The following DYRK1A variants were observed in gnomAD, a reference collection of about 807,000 sequenced individuals.
DYRK1A encodes the protein dual specificity tyrosine-phosphorylation-regulated kinase 1A.
Under a neutral mutation model 79.7 loss-of-function variants are expected in DYRK1A, and 9 were observed. The observed-to-expected ratio is 0.11, with a 90% CI of 0.07 to 0.20. DYRK1A has a LOEUF of 0.20. Among genes scored for constraint, DYRK1A ranks in the 10% least tolerant of loss-of-function variants. The pLI, the probability that DYRK1A is intolerant of heterozygous loss-of-function variation, is 1.00. For synonymous variants in DYRK1A, 349 were observed against 329.7 expected (o/e 1.06, Z -0.63); for missense variants, 622 against 956.0 (o/e 0.65, Z 4.61).
At chr21:37,511,365 A>G (rs2053744012) in intron 11 of DYRK1A, among the ~76,000 whole-genome samples, 1 of 152,212 alleles carries the variant, frequency 6.6e-6, no homozygotes, top group South Asian at 2.1e-4. Flanking sequence ...CAAGGAGTTC[A>G]TTTAAGGGGC....
At chr21:37,404,866 G>A (rs1450939250) in intron 1 of DYRK1A, among the ~76,000 whole-genome samples, 3 of 152,204 alleles carry the variant, frequency 2.0e-5, no homozygotes, top group Non-Finnish European at 4.4e-5. Flanking sequence ...TTGGAGGAAT[G>A]TAAGGATTAA....
chr21:37,438,683 A>G (rs983133743), intron 2 of DYRK1A, among the ~76,000 whole-genome samples: 8 of 152,144 alleles, frequency 5.3e-5, no homozygotes, highest in Non-Finnish European at 1.0e-4. Context: ...CCATTAATCT[A>G]TTTGTCCTGA....
At chr21:37,471,243 G>C (rs1419978466) in intron 2 of DYRK1A, among the ~76,000 whole-genome samples, 6 of 152,196 alleles carry the variant, frequency 3.9e-5, no homozygotes. Flanking sequence ...ATTCTGTTAG[G>C]AGAGGGAATG....
At position 37,494,965 on chromosome 21, in the gene DYRK1A, G is replaced by A. The variant is rs146515295; in HGVS notation, c.1072-1153G>A. Among the ~76,000 whole-genome samples the A allele has an allele frequency of 3.1e-3, 470 of 150,524 alleles. 2 individuals carry two copies. Among genetic ancestry groups the A allele is most frequent in the Non-Finnish European group, 5.6e-3 (378 of 67,632 alleles). ...TCCATTAAAAAAAAAAAAAAATTGTGTGTTTGTGTGTATATGTATTTGCTG... is the reference window on the plus strand; with the variant it reads ...TCCATTAAAAAAAAAAAAAAATTGTATGTTTGTGTGTATATGTATTTGCTG... On this transcript the variant is annotated intron_variant, in intron 8 of 11. Transcript: ENST00000647188.
At chr21:37,466,802 T>A (rs995050418) in intron 2 of DYRK1A, among the ~76,000 whole-genome samples, 21 of 150,294 alleles carry the variant, frequency 1.4e-4, no homozygotes, top group African/African-American at 4.4e-4. Flanking sequence ...AGACCAAAAT[T>A]TAAAAAAAAA....
intron 1 of DYRK1A, among the ~76,000 whole-genome samples, chr21:37,409,790 CTG>C (rs2050211122): frequency 1.3e-5 from 2 of 152,086 alleles, no homozygotes; most frequent in Admixed American, 6.5e-5. Flanking sequence ...TCTTCTAAAA[CTG>C]TGCTTTGGGA....
chr21:37,367,717 G>T (rs2049338797), intron 1 of DYRK1A, 89 bp downstream of exon 1: 1 of 148,830 alleles, frequency 6.7e-6, no homozygotes, highest in Non-Finnish European at 1.5e-5. Flanking sequence ...AGGCCGGCCG[G>T]GCGGAGGGAG....
intron 1 of DYRK1A, among the ~76,000 whole-genome samples, chr21:37,368,965 CT>C (rs1301398730): frequency 4.6e-5 from 7 of 152,002 alleles, no homozygotes; most frequent in East Asian, 1.9e-4. Flanking sequence ...CTTTTCAGGC[CT>C]TTCCCCCCCC....
At chr21:37,433,474 T>G (rs1004347495) in intron 2 of DYRK1A, among the ~76,000 whole-genome samples, 1 of 152,220 alleles carries the variant, frequency 6.6e-6, no homozygotes, top group Non-Finnish European at 1.5e-5. Context: ...TATTAAAGAT[T>G]CATGAGTAAG....
chr21:37,521,478 T>C lies in DYRK1A; in HGVS notation c.*8947T>C, dbSNP rs1329460666. The C allele has an allele frequency of 3.3e-5, 5 of 152,260 alleles. No individual in the cohort carries two copies. The highest frequency in any genetic ancestry group is 6.5e-5 in the Admixed American group (1 of 15,284). The allele number at this position is 152,260 out of a possible 1,614,324, so 9.4% of individuals were successfully genotyped here. ...ACAAATATTAATTGAACACCAGTCA[T>C]GTGCAAAGCACTTAGCTAGGTCTTA... is the stretch of plus-strand genomic sequence containing the variant. On this transcript the variant is annotated 3_prime_UTR_variant, in exon 12 of 12. Transcript: ENST00000647188.
At chr21:37,500,528 A>G (rs997278956) in intron 9 of DYRK1A, among the ~76,000 whole-genome samples, 6 of 152,162 alleles carry the variant, frequency 3.9e-5, no homozygotes, top group South Asian at 2.1e-4. Flanking sequence ...AAAAATTTGT[A>G]TATGATTGGT....
chr21:37,386,921 C>T (rs937081757), intron 1 of DYRK1A, among the ~76,000 whole-genome samples: 1 of 152,190 alleles, frequency 6.6e-6, no homozygotes, highest in Non-Finnish European at 1.5e-5. Context: ...GGCCTAGGAA[C>T]ACGCCCTGGA....
intron 2 of DYRK1A, chr21:37,464,380 A>G (rs2051953857): frequency 2.4e-6 from 1 of 417,332 alleles, no homozygotes; most frequent in Admixed American, 3.2e-5. Context: ...TTAGTAAAAT[A>G]TTGAATTTTT....
intron 1 of DYRK1A, among the ~76,000 whole-genome samples, chr21:37,377,940 T>TG (rs1315968421): frequency 6.6e-6 from 1 of 152,228 alleles, no homozygotes; most frequent in East Asian, 1.9e-4. Flanking sequence ...ATAAGGAAAG[T>TG]GGCTGGTTCA....
rs537519221 is a variant in DYRK1A at position 37,515,788 on chromosome 21, C to G, written c.*3257C>G. 6.6e-6 allele frequency: 1 copy of G among 151,508 alleles called. No homozygotes were observed. Among genetic ancestry groups the G allele is most frequent in the East Asian group, 1.9e-4 (1 of 5,146 alleles). 9.4% of individuals were successfully genotyped at this position (151,508 alleles called of 1,614,324 possible). On this transcript the variant is annotated 3_prime_UTR_variant, in exon 12 of 12. Transcript: ENST00000647188. ...AAGGAAAACTTCCATTAGTTTTCTT[C>G]TTAGGGTGTGAGAATTTTACCTAGG...
intron 3 of DYRK1A, among the ~76,000 whole-genome samples, chr21:37,477,089 C>T (rs2052426020): frequency 6.6e-6 from 1 of 152,118 alleles, no homozygotes; most frequent in African/African-American, 2.4e-5. Flanking sequence ...TACAAACCTC[C>T]CCTCTTCTCT....
In DYRK1A at chr21:37,506,088, T is replaced by C. The variant is rs779074026; in HGVS notation, c.1520-11T>C. 3.1e-6 allele frequency: 5 copies of C among 1,606,600 alleles called. No homozygotes were observed. In the African/African-American group the frequency reaches 5.3e-5, roughly 17 times the overall value. On this transcript the variant is annotated splice_polypyrimidine_tract_variant and intron_variant, in intron 10 of 11. Coordinates refer to ENST00000647188, the MANE Select transcript of DYRK1A (RefSeq NM_001347721.2). ...CTCACAGTTGTATTGTTTTGTGTTG[T>C]GATATTTCAGGTGGCTCATCGGGGA...
At chr21:37,429,791 T>C (rs917971524) in intron 2 of DYRK1A, among the ~76,000 whole-genome samples, 1 of 152,250 alleles carries the variant, frequency 6.6e-6, no homozygotes, top group Non-Finnish European at 1.5e-5. Context: ...TTAATAAAAT[T>C]TAATCCATTC....
At chr21:37,423,066 A>T (rs895479853) in intron 2 of DYRK1A, among the ~76,000 whole-genome samples, 2 of 152,188 alleles carry the variant, frequency 1.3e-5, no homozygotes, top group African/African-American at 4.8e-5. Context: ...TGCTCTGCAT[A>T]CAAGGATCCC....
Sources: allele counts gnomAD v4.1 joint callset (sites outside exome capture counted in the v4.1 genomes callset), GRCh38; gene constraint gnomAD v4.1.1; transcripts MANE v1.5; gene names NCBI Gene and HGNC (gene_info 2026-07-23, HGNC 2026-07-21).